Variants in AP3B1 observed in about 807,000 individuals in gnomAD.
The protein encoded by AP3B1 is AP-3 complex subunit beta-1.
AP3B1 carries 61 observed loss-of-function variants against 132.5 expected under a neutral mutation model. That is an observed-to-expected ratio of 0.46 (90% CI 0.37 to 0.57). The LOEUF (loss-of-function observed/expected upper bound fraction) is 0.57, where lower values mean the gene tolerates loss of function less well. AP3B1 is among the 20% of genes least tolerant of loss of function. The probability of loss-of-function intolerance (pLI) is 0.00; values close to 1 mark genes in which losing one functional copy is unlikely to be tolerated. For synonymous variants in AP3B1, 388 were observed against 438.3 expected (o/e 0.89, Z 1.43); for missense variants, 1,120 against 1,289.4 (o/e 0.87, Z 2.01).
intron 22 of AP3B1, among the ~76,000 whole-genome samples, chr5:78,085,601 T>G (rs1370780915): frequency 6.6e-6 from 1 of 152,180 alleles, no homozygotes; most frequent in Non-Finnish European, 1.5e-5. Flanking sequence ...ATAAATTAAT[T>G]TTTCCAGTTC....
In AP3B1 at chr5:78,100,944, A is replaced by T; in HGVS notation, c.2470+9T>A. On this transcript the variant is annotated intron_variant, in intron 21 of 26. Coordinates refer to ENST00000255194, the MANE Select transcript of AP3B1 (RefSeq NM_003664.5). ...ACACAGAAGAAATATTTTAAATTACAATACTTACAATCATCCAGATCTAGA... is the reference window on the plus strand; with the variant it reads ...ACACAGAAGAAATATTTTAAATTACTATACTTACAATCATCCAGATCTAGA... The T allele has an allele frequency of 6.7e-7, 1 of 1,487,928 alleles. No homozygotes were observed. Among genetic ancestry groups the T allele is most frequent in the Non-Finnish European group, 9.3e-7 (1 of 1,073,942 alleles). The allele number at this position is 1,487,928 out of a possible 1,614,324, so 92.2% of individuals were successfully genotyped here.
intron 1 of AP3B1, among the ~76,000 whole-genome samples, chr5:78,293,738 ATTTC>A: frequency 6.6e-6 from 1 of 152,012 alleles, no homozygotes; most frequent in Admixed American, 6.5e-5. Context: ...ACAACTTGGG[ATTTC>A]TTTCCATTTC....
At position 78,020,711 on chromosome 5, in the gene AP3B1, T is replaced by C. The variant is rs771013399; in HGVS notation, c.2973A>G (p.Lys991=). The part of the protein sequence containing the change: ...ELLLPVAMSE[K]DFKKEQGVLT... ...TCTCACCTTGCTCTTTCTTAAAATC[T>C]TTCTCTGACATGGCCACAGGTAAAA... Residue 991 remains lysine (K), a synonymous_variant, in exon 25 of 27, where the codon AAA becomes AAG. Transcript: ENST00000255194. The C allele has an allele frequency of 1.1e-5, 17 of 1,612,246 alleles. No individual in the cohort carries two copies. The highest frequency in any genetic ancestry group is 1.3e-5 in the African/African-American group (1 of 74,884).
intron 14 of AP3B1, among the ~76,000 whole-genome samples, chr5:78,152,186 A>G (rs1467258481): frequency 1.4e-5 from 2 of 141,910 alleles, no homozygotes; most frequent in Non-Finnish European, 3.1e-5. Context: ...CAGGGTAACA[A>G]TGACCTTGTA....
intron 23 of AP3B1, among the ~76,000 whole-genome samples, chr5:78,036,608 C>T (rs1457311144): frequency 6.6e-6 from 1 of 152,106 alleles, no homozygotes; most frequent in South Asian, 2.1e-4. Context: ...CTCTTATATA[C>T]TGGGTCTCTT....
intron 2 of AP3B1, among the ~76,000 whole-genome samples, chr5:78,248,090 C>A (rs549446607): frequency 1.3e-5 from 2 of 152,198 alleles, no homozygotes; most frequent in South Asian, 2.1e-4. Context: ...TTTAACTTAT[C>A]GGATTATCAG....
chr5:78,233,917 A>G (rs945469695), intron 3 of AP3B1, among the ~76,000 whole-genome samples: 2 of 152,158 alleles, frequency 1.3e-5, no homozygotes, highest in Admixed American at 1.3e-4. Context: ...CCCTAACAAA[A>G]GAGGAGACAA....
intron 3 of AP3B1, among the ~76,000 whole-genome samples, chr5:78,239,431 A>C (rs1747019756): frequency 6.8e-6 from 1 of 147,352 alleles, no homozygotes; most frequent in Non-Finnish European, 1.5e-5. Context: ...CGATCATGCC[A>C]CTGCACTCCA....
chr5:78,096,587 CAT>C (rs1750798707), intron 21 of AP3B1, among the ~76,000 whole-genome samples: 1 of 151,438 alleles, frequency 6.6e-6, no homozygotes, highest in South Asian at 2.1e-4. Context: ...CCCGGCCGCC[CAT>C]CGTCTGAGAT....
chr5:78,223,288 AAAAG>A (rs1334052707), intron 6 of AP3B1, among the ~76,000 whole-genome samples: 3 of 152,060 alleles, frequency 2.0e-5, no homozygotes, highest in African/African-American at 2.4e-5. Flanking sequence ...TATAGACAGA[AAAAG>A]AAATATGTAT....
intron 7 of AP3B1, among the ~76,000 whole-genome samples, chr5:78,210,375 G>C (rs28668807): frequency 0.3 from 45,680 of 151,920 alleles, 7,096 homozygotes; most frequent in Middle Eastern, 0.35. Flanking sequence ...ATAAATTTTG[G>C]ATTTTGATAA....
At chr5:78,028,400 G>T (rs547511231) in intron 24 of AP3B1, among the ~76,000 whole-genome samples, 1 of 151,240 alleles carries the variant, frequency 6.6e-6, no homozygotes, top group Admixed American at 6.6e-5. Context: ...GGAGGCGGAG[G>T]TTGCAGTGAG....
Position 78,184,274 on chromosome 5 carries a change from T to C in AP3B1, c.787-2612A>G, listed in dbSNP as rs183389591. The stretch of plus-strand genomic sequence containing the variant: ...ACAAGAACCAAAACTAAAAACCTAA[T>C]GAATGGGATCAAAAGCAGAGGAGGG... On this transcript the variant is annotated intron_variant, in intron 7 of 26. Coordinates refer to ENST00000255194, the MANE Select transcript of AP3B1 (RefSeq NM_003664.5). Among the ~76,000 whole-genome samples, 164 of 151,914 alleles carry C rather than the reference T, an allele frequency of 1.1e-3. 1 individual carries two copies. The highest frequency in any genetic ancestry group is 3.9e-3 in the African/African-American group (160 of 41,422).
intron 2 of AP3B1, among the ~76,000 whole-genome samples, chr5:78,259,416 C>T (rs1747988997): frequency 6.6e-6 from 1 of 151,986 alleles, no homozygotes. Flanking sequence ...TTAATGGGTA[C>T]AAACATAACA....
chr5:78,141,366 T>C (rs974929323), intron 14 of AP3B1, 47 bp from the exon 15 acceptor site: 4 of 1,472,150 alleles, frequency 2.7e-6, no homozygotes, highest in Non-Finnish European at 3.8e-6. Flanking sequence ...TTAATCATAC[T>C]CTAATATTAA....
At chr5:78,081,800 T>C (rs1750020002) in intron 22 of AP3B1, among the ~76,000 whole-genome samples, 1 of 152,224 alleles carries the variant, frequency 6.6e-6, no homozygotes, top group Non-Finnish European at 1.5e-5. Context: ...GAAATTTAAC[T>C]TTCTTTTCCC....
chr5:78,280,284 A>C (rs948741977), intron 1 of AP3B1, among the ~76,000 whole-genome samples: 2 of 152,152 alleles, frequency 1.3e-5, no homozygotes, highest in Non-Finnish European at 2.9e-5. Context: ...TGGTAGTCTA[A>C]AACATCTGTG....
chr5:78,123,754 T>A (rs1202169066), intron 17 of AP3B1, among the ~76,000 whole-genome samples: 2 of 151,866 alleles, frequency 1.3e-5, no homozygotes, highest in Non-Finnish European at 2.9e-5. Context: ...TTGGTGGGAC[T>A]GTAAACTAGT....
chr5:78,104,700 C>T (rs928591272), intron 20 of AP3B1, among the ~76,000 whole-genome samples: 1 of 152,056 alleles, frequency 6.6e-6, no homozygotes, highest in East Asian at 1.9e-4. Flanking sequence ...TTACTTTATC[C>T]CCAAGAATCT....
Sources: gnomAD v4.1 joint callset for allele counts (sites outside exome capture counted in the v4.1 genomes callset) on GRCh38, gnomAD v4.1.1 for gene constraint, MANE v1.5 for transcripts, NCBI Gene and HGNC (gene_info 2026-07-23, HGNC 2026-07-21) for gene names.